Variants in UBAC1 observed in about 807,000 individuals in gnomAD.
UBAC1 encodes ubiquitin-associated domain-containing protein 1.
In UBAC1, 27 loss-of-function variants were observed where a neutral mutation model predicts 45.9. That is an observed-to-expected ratio of 0.59 (90% CI 0.43 to 0.81). UBAC1 has a LOEUF of 0.81. UBAC1 is among the 30% of genes least tolerant of loss of function. UBAC1 has a pLI of 0.00. For missense variants in UBAC1, 529 were observed against 539.2 expected, an observed-to-expected ratio of 0.98 and a Z score of 0.19; for synonymous variants, 227 against 215.5, an observed-to-expected ratio of 1.05 and a Z score of -0.47.
At chr9:135,940,358 T>A (rs1018531530) in intron 7 of UBAC1, among the ~76,000 whole-genome samples, 2 of 151,758 alleles carry the variant, frequency 1.3e-5, no homozygotes, top group Non-Finnish European at 2.9e-5. Context: ...GGCAGGCGGA[T>A]CACCAGGTCA....
intron 7 of UBAC1, among the ~76,000 whole-genome samples, chr9:135,941,061 G>A (rs551096953): frequency 3.3e-5 from 5 of 152,194 alleles, no homozygotes; most frequent in Non-Finnish European, 1.5e-5. Flanking sequence ...CTTCAGCTGG[G>A]GTGGAGCTCA....
intron 1 of UBAC1, among the ~76,000 whole-genome samples, chr9:135,959,162 G>A (rs906220042): frequency 1.3e-5 from 2 of 152,164 alleles, no homozygotes; most frequent in Admixed American, 6.5e-5. Context: ...TAAAGTAAAT[G>A]CCGTGCCAAC....
At chr9:135,953,936 C>A in intron 2 of UBAC1, 183 bp from the exon 3 acceptor site, 2 of 370,588 alleles carry the variant, frequency 5.4e-6, no homozygotes, top group South Asian at 7.6e-5. Context: ...GTCAGGTGTT[C>A]AAGACAAGCC....
At chr9:135,953,895 T>C in intron 2 of UBAC1, 142 bp from the exon 3 acceptor site, 1 of 525,034 alleles carries the variant, frequency 1.9e-6, no homozygotes, top group Non-Finnish European at 3.2e-6. Flanking sequence ...TCCCAGCACT[T>C]TGGGAGGCTG....
At chr9:135,948,440 G>C (rs555355903) in intron 3 of UBAC1, among the ~76,000 whole-genome samples, 3 of 152,392 alleles carry the variant, frequency 2.0e-5, no homozygotes, top group Non-Finnish European at 4.4e-5. Context: ...CAAGAGCAGA[G>C]CATGGACGCA....
intron 9 of UBAC1, among the ~76,000 whole-genome samples, chr9:135,937,574 C>T (rs1839215077): frequency 1.3e-5 from 2 of 152,048 alleles, no homozygotes; most frequent in African/African-American, 4.8e-5. Flanking sequence ...CAGAGGCCTG[C>T]TTAAAACATG....
chr9:135,938,955 T>C (rs1410274113), intron 8 of UBAC1, among the ~76,000 whole-genome samples: 2 of 152,174 alleles, frequency 1.3e-5, no homozygotes, highest in African/African-American at 4.8e-5. Context: ...ATGCATGTAA[T>C]CCCAGCACTT....
chr9:135,934,853 T>C (rs555755952), intron 9 of UBAC1, among the ~76,000 whole-genome samples: 1 of 152,250 alleles, frequency 6.6e-6, no homozygotes, highest in African/African-American at 2.4e-5. Context: ...CACAGATGAT[T>C]ATTTATCTGA....
chr9:135,936,860 C>T (rs188392865), intron 9 of UBAC1, among the ~76,000 whole-genome samples: 57 of 152,274 alleles, frequency 3.7e-4, no homozygotes, highest in African/African-American at 1.1e-3. Flanking sequence ...CATCAAAACA[C>T]GGGATTCTGC....
intron 3 of UBAC1, among the ~76,000 whole-genome samples, chr9:135,950,453 C>T (rs1023756338): frequency 1.3e-5 from 2 of 152,144 alleles, no homozygotes; most frequent in Non-Finnish European, 2.9e-5. Flanking sequence ...GAAGCTTTAT[C>T]GGCTCTGTGG....
At chr9:135,933,547 C>G in intron 9 of UBAC1, 32 bp from the exon 10 acceptor site, 1 of 1,525,778 alleles carries the variant, frequency 6.6e-7, no homozygotes, top group Non-Finnish European at 9.1e-7. Flanking sequence ...CCTGAGTGCC[C>G]ACGCCCCCAC....
chr9:135,958,430 G>A (rs1839493477), intron 1 of UBAC1, among the ~76,000 whole-genome samples: 1 of 152,192 alleles, frequency 6.6e-6, no homozygotes, highest in Non-Finnish European at 1.5e-5. Flanking sequence ...GGCAATGGAA[G>A]CTAGAGGCCA....
chr9:135,948,963 G>A (rs764087510), intron 3 of UBAC1, among the ~76,000 whole-genome samples: 17 of 151,972 alleles, frequency 1.1e-4, no homozygotes, highest in Non-Finnish European at 1.6e-4. Context: ...CCAGCTACCC[G>A]GGAGGCTGAG....
chr9:135,941,066 A>G (rs972174767), intron 7 of UBAC1, among the ~76,000 whole-genome samples: 1 of 152,180 alleles, frequency 6.6e-6, no homozygotes, highest in Non-Finnish European at 1.5e-5. Flanking sequence ...GCTGGGGTGG[A>G]GCTCAGGAAG....
rs1296288714 is a variant in UBAC1, at chr9:135,959,313, G to C, written c.138+1712C>G. ...TAAACCGAACCCCTGAGGAGCTTCTGTACTGGCTCAGGGAGGACACAGCAG... is the reference window on the plus strand; with the variant it reads ...TAAACCGAACCCCTGAGGAGCTTCTCTACTGGCTCAGGGAGGACACAGCAG... On this transcript the variant is annotated intron_variant, in intron 1 of 9. Coordinates refer to ENST00000371756, the MANE Select transcript of UBAC1 (RefSeq NM_016172.3). Among the ~76,000 whole-genome samples the C allele has an allele frequency of 2.0e-5, 3 of 148,410 alleles. No individual in the cohort carries two copies. The East Asian group carries it at 6.0e-4, about 29-fold the overall frequency.
intron 1 of UBAC1, among the ~76,000 whole-genome samples, chr9:135,958,203 C>A (rs1240988809): frequency 6.6e-6 from 1 of 152,010 alleles, no homozygotes; most frequent in Admixed American, 6.6e-5. Flanking sequence ...CCCGCCACCA[C>A]GCCCGGCTAA....
chr9:135,935,843 G>A (rs543984530), intron 9 of UBAC1, among the ~76,000 whole-genome samples: 20 of 152,144 alleles, frequency 1.3e-4, no homozygotes, highest in Middle Eastern at 3.4e-3. Context: ...TGGCTAACAC[G>A]GTGAAACCCT....
intron 3 of UBAC1, among the ~76,000 whole-genome samples, chr9:135,949,798 T>C (rs1839385478): frequency 6.6e-6 from 1 of 152,214 alleles, no homozygotes; most frequent in Admixed American, 6.5e-5. Flanking sequence ...CACAGTCCAC[T>C]CTGGGGTCAG....
chr9:135,941,757 G>A (rs1293865878), intron 7 of UBAC1, among the ~76,000 whole-genome samples: 3 of 151,100 alleles, frequency 2.0e-5, no homozygotes, highest in East Asian at 2.0e-4. Flanking sequence ...GCTGCAGGAC[G>A]TCGGGCCCTG....
Sources: gnomAD v4.1 joint callset for allele counts (sites outside exome capture counted in the v4.1 genomes callset) on GRCh38, gnomAD v4.1.1 for gene constraint, MANE v1.5 for transcripts, NCBI Gene and HGNC (gene_info 2026-07-23, HGNC 2026-07-21) for gene names.